The following ST6GALNAC3 variants were observed in gnomAD, a reference collection of about 807,000 sequenced individuals.
The protein encoded by ST6GALNAC3 is alpha-N-acetylgalactosaminide alpha-2,6-sialyltransferase 3.
In ST6GALNAC3, 25 loss-of-function variants were observed where a neutral mutation model predicts 32.7. The observed-to-expected ratio is 0.76, with a 90% CI of 0.56 to 1.07. The LOEUF (loss-of-function observed/expected upper bound fraction) is 1.07. Among genes scored for constraint, ST6GALNAC3 ranks in the 50% least tolerant of loss-of-function variants. The pLI is 0.00. For synonymous variants in ST6GALNAC3, 129 were observed against 133.1 expected (o/e 0.97, Z 0.21); for missense variants, 355 against 382.4 (o/e 0.93, Z 0.60).
rs76452297 is a variant in ST6GALNAC3, at chr1:76,529,173, G to A, written c.624-98279G>A. On this transcript the variant is annotated intron_variant, in intron 3 of 4. Transcript: ENST00000328299. ...TGTATGCTGAAATTCATGTGTTGAAGACAAACCTCCGCAGAGCCAGAGGAT... is the reference window on the plus strand; with the variant it reads ...TGTATGCTGAAATTCATGTGTTGAAAACAAACCTCCGCAGAGCCAGAGGAT... Among the ~76,000 whole-genome samples the A allele has an allele frequency of 1.0e-3, 157 of 152,178 alleles. 1 individual carries two copies. Among genetic ancestry groups the A allele is most frequent in the Non-Finnish European group, 1.2e-3 (80 of 67,996 alleles).
intron 3 of ST6GALNAC3, among the ~76,000 whole-genome samples, chr1:76,553,883 TTCTG>T (rs66483373): frequency 0.16 from 23,740 of 152,074 alleles, 2,210 homozygotes; most frequent in African/African-American, 0.26. Context: ...GCAGTACTGT[TTCTG>T]TCTAATTACA....
intron 3 of ST6GALNAC3, among the ~76,000 whole-genome samples, chr1:76,622,245 C>T (rs79772282): frequency 1.3e-5 from 2 of 152,068 alleles, no homozygotes; most frequent in East Asian, 3.9e-4. Context: ...CCTTGTCCCA[C>T]CTGATACTTT....
Position 76,242,191 on chromosome 1 carries a change from T to C in ST6GALNAC3, c.19-71614T>C, listed in dbSNP as rs796510411. ...GGATTTTTCTCATTTAGGAAGAAAT[T>C]ATTTTGTTTCCTCTTTTAAATTCAT... On this transcript the variant is annotated intron_variant, in intron 1 of 4. Coordinates refer to ENST00000328299, the MANE Select transcript of ST6GALNAC3 (RefSeq NM_152996.4). Among the ~76,000 whole-genome samples, 9 of 152,264 alleles carry C rather than the reference T, an allele frequency of 5.9e-5. 1 individual carries two copies. Among genetic ancestry groups the C allele is most frequent in the African/African-American group, 2.2e-4 (9 of 41,548 alleles).
intron 3 of ST6GALNAC3, among the ~76,000 whole-genome samples, chr1:76,618,612 G>A (rs1234576400): frequency 5.3e-5 from 8 of 152,076 alleles, no homozygotes; most frequent in African/African-American, 1.7e-4. Context: ...TTATAAATCT[G>A]TGATCAGCTA....
At chr1:76,088,007 G>T (rs11803647) in intron 1 of ST6GALNAC3, among the ~76,000 whole-genome samples, 13,095 of 152,254 alleles carry the variant, frequency 0.086, 1,133 homozygotes, top group African/African-American at 0.23. Context: ...TGTGGCCAGT[G>T]AGTGGAACAC....
chr1:76,202,528 C>T (rs1175930080), intron 1 of ST6GALNAC3, among the ~76,000 whole-genome samples: 2 of 152,030 alleles, frequency 1.3e-5, no homozygotes, highest in East Asian at 3.9e-4. Context: ...AGTCATGGCT[C>T]TTGGGAAACC....
At chr1:76,424,068 T>C (rs1245420105) in intron 3 of ST6GALNAC3, among the ~76,000 whole-genome samples, 1 of 152,038 alleles carries the variant, frequency 6.6e-6, no homozygotes, top group Non-Finnish European at 1.5e-5. Context: ...GACTTTTTCA[T>C]GACATGTTCT....
chr1:76,124,555 C>T (rs1433173692), intron 1 of ST6GALNAC3, among the ~76,000 whole-genome samples: 1 of 152,118 alleles, frequency 6.6e-6, no homozygotes, highest in East Asian at 1.9e-4. Context: ...GGAACTGGCT[C>T]TGATTTCCAT....
chr1:76,301,890 G>A (rs1445456340), intron 1 of ST6GALNAC3, among the ~76,000 whole-genome samples: 3 of 151,746 alleles, frequency 2.0e-5, no homozygotes, highest in Non-Finnish European at 1.5e-5. Flanking sequence ...TCTCAAAAAG[G>A]TATTTTGCAT....
At chr1:76,587,406 G>A (rs900440456) in intron 3 of ST6GALNAC3, among the ~76,000 whole-genome samples, 1 of 152,170 alleles carries the variant, frequency 6.6e-6, no homozygotes, top group African/African-American at 2.4e-5. Flanking sequence ...GTCCAGAGCT[G>A]TGACTGTGGC....
In ST6GALNAC3 at chr1:76,629,158, A is replaced by G. The variant is rs1249308448; in HGVS notation, c.*352A>G. 5 of 1,024,244 alleles carry G rather than the reference A, an allele frequency of 4.9e-6. No homozygotes were observed. Among genetic ancestry groups the G allele is most frequent in the Non-Finnish European group, 5.8e-6 (5 of 856,462 alleles). The allele number at this position is 1,024,244 out of a possible 1,614,324, so 63.4% of individuals were successfully genotyped here. A position where few individuals can be genotyped will look rare whatever the true frequency, so the allele number is the denominator to read the frequency against. On this transcript the variant is annotated 3_prime_UTR_variant, in exon 5 of 5. Coordinates refer to ENST00000328299, the MANE Select transcript of ST6GALNAC3 (RefSeq NM_152996.4). ...AATTGTTCAACAGTGAGTAACTTCC[A>G]GAAGCCAAAAGAGTTTGGCTTCATG...
At chr1:76,329,283 A>G (rs1040334279) in intron 2 of ST6GALNAC3, among the ~76,000 whole-genome samples, 2 of 152,166 alleles carry the variant, frequency 1.3e-5, no homozygotes, top group Admixed American at 1.3e-4. Flanking sequence ...TTTGCAGGCT[A>G]CATAGTCATG....
chr1:76,114,842 C>T lies in ST6GALNAC3; in HGVS notation c.18+39958C>T, dbSNP rs534629665. ...GCTGAGGCGGGAGAATCGCTTGAAC[C>T]GGGGAGGCAGAGGTTGCAGTGAGCT... On this transcript the variant is annotated intron_variant, in intron 1 of 4. Coordinates refer to ENST00000328299, the MANE Select transcript of ST6GALNAC3 (RefSeq NM_152996.4). Among the ~76,000 whole-genome samples the T allele has an allele frequency of 4.7e-5, 7 of 148,792 alleles. No homozygotes were observed. In the South Asian group the frequency reaches 1.1e-3, roughly 23 times the overall value.
chr1:76,499,962 G>A (rs183789338), intron 3 of ST6GALNAC3, among the ~76,000 whole-genome samples: 39 of 152,070 alleles, frequency 2.6e-4, no homozygotes, highest in Admixed American at 2.2e-3. Flanking sequence ...TAAGAATGGG[G>A]CAGATCTTCC....
chr1:76,158,522 G>A (rs960301285), intron 1 of ST6GALNAC3, among the ~76,000 whole-genome samples: 1 of 152,144 alleles, frequency 6.6e-6, no homozygotes. Flanking sequence ...AATTTTTTGA[G>A]CAACTCCAGT....
At chr1:76,452,384 G>T (rs1395571602) in intron 3 of ST6GALNAC3, among the ~76,000 whole-genome samples, 1 of 152,122 alleles carries the variant, frequency 6.6e-6, no homozygotes, top group Non-Finnish European at 1.5e-5. Context: ...CCAGTCTCAG[G>T]TATGTCTTTA....
chr1:76,511,696 C>T (rs899939047), intron 3 of ST6GALNAC3, among the ~76,000 whole-genome samples: 1 of 152,122 alleles, frequency 6.6e-6, no homozygotes, highest in African/African-American at 2.4e-5. Context: ...TGTGGCTGTG[C>T]CTTTTTGCCA....
chr1:76,518,933 G>T (rs1336034381), intron 3 of ST6GALNAC3, among the ~76,000 whole-genome samples: 1 of 152,042 alleles, frequency 6.6e-6, no homozygotes, highest in Non-Finnish European at 1.5e-5. Context: ...CAAGCATTGT[G>T]ATGCACGCCT....
At chr1:76,123,328 G>A (rs1185461413) in intron 1 of ST6GALNAC3, among the ~76,000 whole-genome samples, 3 of 148,878 alleles carry the variant, frequency 2.0e-5, no homozygotes, top group East Asian at 2.0e-4. Context: ...GCACTGAGCC[G>A]AGATTATGCC....
Sources: gnomAD v4.1 joint callset for allele counts (sites outside exome capture counted in the v4.1 genomes callset) on GRCh38, gnomAD v4.1.1 for gene constraint, MANE v1.5 for transcripts, NCBI Gene and HGNC (gene_info 2026-07-23, HGNC 2026-07-21) for gene names.